The following APPBP2 variants were observed in gnomAD, a reference collection of about 807,000 sequenced individuals.
APPBP2 encodes amyloid beta precursor protein binding protein 2, also known as amyloid protein-binding protein 2.
Under a neutral mutation model 76.0 loss-of-function variants are expected in APPBP2, and 15 were observed. The observed-to-expected ratio is 0.20, with a 90% CI of 0.13 to 0.30. APPBP2 has a LOEUF of 0.30. Ranked by LOEUF, APPBP2 falls within the 10% of genes least tolerant of loss-of-function variation. APPBP2 has a pLI of 1.00. For synonymous variants in APPBP2, 222 were observed against 242.2 expected (o/e 0.92, Z 0.77); for missense variants, 401 against 687.2 (o/e 0.58, Z 4.66).
intron 1 of APPBP2, among the ~76,000 whole-genome samples, chr17:60,512,255 A>G (rs1362681341): frequency 6.6e-6 from 1 of 151,868 alleles, no homozygotes; most frequent in African/African-American, 2.4e-5. Context: ...AGTGCCCACC[A>G]CCACGCCCAG....
At chr17:60,480,192 G>A (rs902167610) in intron 3 of APPBP2, among the ~76,000 whole-genome samples, 1 of 152,126 alleles carries the variant, frequency 6.6e-6, no homozygotes. Flanking sequence ...GGGCAATATG[G>A]CAAAATCCTG....
chr17:60,468,019 T>C (rs1052680635), intron 4 of APPBP2, among the ~76,000 whole-genome samples: 1 of 152,174 alleles, frequency 6.6e-6, no homozygotes, highest in Non-Finnish European at 1.5e-5. Flanking sequence ...GGGAGGTGAT[T>C]TGACTTATGC....
At chr17:60,525,750 C>G in intron 1 of APPBP2, 44 bp downstream of exon 1, 3 of 1,610,010 alleles carry the variant, frequency 1.9e-6, no homozygotes, top group South Asian at 2.2e-5. Flanking sequence ...GTGCGGCCCC[C>G]GGGGTTGCTG....
chr17:60,475,102 C>T (rs1433429336), intron 4 of APPBP2, among the ~76,000 whole-genome samples: 1 of 151,792 alleles, frequency 6.6e-6, no homozygotes, highest in African/African-American at 2.4e-5. Context: ...TGGTGGCGGG[C>T]GCCTATAGTC....
chr17:60,450,289 T>G (rs1040418490), intron 12 of APPBP2, among the ~76,000 whole-genome samples: 6 of 151,046 alleles, frequency 4.0e-5, no homozygotes, highest in Admixed American at 3.3e-4. Context: ...ATACAAAAAA[T>G]TAGCTGGGCA....
At chr17:60,475,702 C>T (rs1176877210) in intron 4 of APPBP2, among the ~76,000 whole-genome samples, 1 of 151,072 alleles carries the variant, frequency 6.6e-6, no homozygotes, top group African/African-American at 2.4e-5. Flanking sequence ...CTCCCCAACC[C>T]CACCCCACAG....
At chr17:60,525,245 T>A (rs575174014) in intron 1 of APPBP2, among the ~76,000 whole-genome samples, 1 of 152,114 alleles carries the variant, frequency 6.6e-6, no homozygotes, top group African/African-American at 2.4e-5. Flanking sequence ...TTAAAGAATA[T>A]GCAAATAAAA....
chr17:60,505,692 T>TG (rs1243242927), intron 1 of APPBP2, among the ~76,000 whole-genome samples: 15 of 142,234 alleles, frequency 1.1e-4, no homozygotes, highest in African/African-American at 3.9e-4. Context: ...TTTTTTTTTT[T>TG]TTTTTTTTTT....
chr17:60,509,918 G>A (rs924596160), intron 1 of APPBP2, among the ~76,000 whole-genome samples: 3 of 152,148 alleles, frequency 2.0e-5, no homozygotes, highest in Non-Finnish European at 2.9e-5. Flanking sequence ...GGCCAGAATC[G>A]ATAATTGTTA....
In APPBP2 at chr17:60,525,835, G is replaced by T. The variant is rs1276521016; in HGVS notation, c.97C>A (p.Arg33Ser). 1.9e-6 allele frequency: 3 copies of T among 1,614,080 alleles called. No individual in the cohort carries two copies. The highest frequency in any genetic ancestry group is 2.5e-6 in the Non-Finnish European group (3 of 1,180,004). Residue 33 changes from arginine (R) to serine (S), a missense_variant, in exon 1 of 13, where the codon CGC becomes AGC. This residue lies in a region of APPBP2 where 149 missense variants were observed against 198.4 expected (regional missense o/e 0.75). Transcript: ENST00000083182. ...AACTGGATGTTCTCGGGCAAGGAGC[G>T]GATGTCTCGGCGGGAGCGGATGTAG... ...DNYIRSRRDI[R>S]SLPENIQFDV...
intron 4 of APPBP2, among the ~76,000 whole-genome samples, chr17:60,475,900 C>T (rs2090587446): frequency 6.6e-6 from 1 of 152,112 alleles, no homozygotes; most frequent in African/African-American, 2.4e-5. Flanking sequence ...GAATTCCTGA[C>T]CTTAAACAAA....
chr17:60,482,532 C>T (rs1039232354), intron 3 of APPBP2, among the ~76,000 whole-genome samples: 2 of 152,048 alleles, frequency 1.3e-5, no homozygotes, highest in Non-Finnish European at 2.9e-5. Flanking sequence ...TTTGCTGCAC[C>T]CATCAACTCG....
intron 1 of APPBP2, 39 bp downstream of exon 1, chr17:60,525,755 T>C (rs772489120): frequency 1.9e-6 from 3 of 1,610,270 alleles, no homozygotes; most frequent in Admixed American, 1.7e-5. Flanking sequence ...GCCCCCGGGG[T>C]TGCTGGAGGA....
chr17:60,447,862 A>G (rs767133762), intron 12 of APPBP2, 28 bp from the exon 13 acceptor site: 1 of 1,547,934 alleles, frequency 6.5e-7, no homozygotes, highest in East Asian at 2.3e-5. Context: ...AAGGAAAAAA[A>G]AAAAAGCACA....
intron 3 of APPBP2, among the ~76,000 whole-genome samples, chr17:60,492,628 C>A (rs1490084817): frequency 6.6e-6 from 1 of 152,192 alleles, no homozygotes; most frequent in Non-Finnish European, 1.5e-5. Context: ...TCCAGACTTG[C>A]ATGGGGCCTT....
intron 10 of APPBP2, among the ~76,000 whole-genome samples, chr17:60,454,895 T>C (rs1202216345): frequency 6.6e-6 from 1 of 152,174 alleles, no homozygotes; most frequent in Non-Finnish European, 1.5e-5. Flanking sequence ...TTATAAAACA[T>C]AACCTTTAAC....
chr17:60,484,779 GAGAA>G (rs1183553212), intron 3 of APPBP2, among the ~76,000 whole-genome samples: 1 of 152,150 alleles, frequency 6.6e-6, no homozygotes, highest in East Asian at 1.9e-4. Flanking sequence ...GGAGTGATGA[GAGAA>G]AGACAGAAAA....
chr17:60,480,151 A>G (rs1401944475), intron 3 of APPBP2, among the ~76,000 whole-genome samples: 1 of 152,158 alleles, frequency 6.6e-6, no homozygotes, highest in African/African-American at 2.4e-5. Context: ...TTGCACATTA[A>G]AAAATCTCTG....
chr17:60,462,150 T>C, intron 6 of APPBP2, 89 bp from the exon 7 acceptor site: 1 of 1,023,218 alleles, frequency 9.8e-7, no homozygotes, highest in Non-Finnish European at 1.5e-6. Flanking sequence ...CTATAAGAGT[T>C]AATAAGAAAA....
Sources: allele counts gnomAD v4.1 joint callset (sites outside exome capture counted in the v4.1 genomes callset), GRCh38; gene constraint gnomAD v4.1.1; regional missense constraint gnomAD v4.1.1; transcripts MANE v1.5; gene names NCBI Gene and HGNC (gene_info 2026-07-23, HGNC 2026-07-21).